Variants in SAXO3 observed in about 807,000 individuals in gnomAD.
The protein encoded by SAXO3 is stabilizer of axonemal microtubules 3, also known as CTB-60B18.10.
At chr19:49,019,835 C>G in the SAXO3 span, 5 of 1,261,614 alleles carry the variant, frequency 4.0e-6, no homozygotes, top group Non-Finnish European at 5.3e-6. Context: ...CAGAGACTCA[C>G]GTGAAGGAGC....
chr19:49,019,773 T>C, the SAXO3 span: 12 of 1,225,148 alleles, frequency 9.8e-6, no homozygotes, highest in Non-Finnish European at 1.3e-5. Context: ...TCTGGTACTT[T>C]GTGGTCAGTG....
At chr19:49,018,396 C>T in the SAXO3 span, 4 of 1,077,796 alleles carry the variant, frequency 3.7e-6, no homozygotes, top group Admixed American at 4.2e-5. Flanking sequence ...GGACGAGTTT[C>T]AGACCTCGGG....
the SAXO3 span, chr19:49,020,031 A>G: frequency 6.8e-7 from 1 of 1,461,872 alleles, no homozygotes; most frequent in Non-Finnish European, 8.9e-7. Context: ...GTTGTCTCCC[A>G]TCTGCTGAGG....
chr19:49,018,052 C>T, the SAXO3 span: 1 of 398,790 alleles, frequency 2.5e-6, no homozygotes, highest in Non-Finnish European at 4.4e-6. Context: ...CCCGCAGGGG[C>T]TTCCAGTGCG....
chr19:49,019,079 A>C, the SAXO3 span: 1 of 1,456,152 alleles, frequency 6.9e-7, no homozygotes, highest in Admixed American at 2.4e-5. Flanking sequence ...CCGAGTTCAG[A>C]ATCCCTCTCC....
chr19:49,019,177 G>A, the SAXO3 span: 1 of 1,410,322 alleles, frequency 7.1e-7, no homozygotes, highest in East Asian at 2.6e-5. Flanking sequence ...GGGAACTTCA[G>A]CTTCCTTTCT....
chr19:49,018,779 G>T, the SAXO3 span: 3 of 1,098,264 alleles, frequency 2.7e-6, no homozygotes, highest in Non-Finnish European at 2.6e-6. Context: ...TGAGACCACC[G>T]GCTCAGGGAA....
the SAXO3 span, chr19:49,018,436 G>C: frequency 1.4e-6 from 1 of 732,620 alleles, no homozygotes; most frequent in African/African-American, 1.8e-5. Flanking sequence ...TCAAACTCCT[G>C]CATTTCCAGG....
At chr19:49,019,841 G>T in the SAXO3 span, 2 of 1,266,820 alleles carry the variant, frequency 1.6e-6, no homozygotes, top group Non-Finnish European at 2.1e-6. Flanking sequence ...CTCACGTGAA[G>T]GAGCAGGGGA....
At chr19:49,018,128 C>A in the SAXO3 span, 1 of 399,844 alleles carries the variant, frequency 2.5e-6, no homozygotes, top group Non-Finnish European at 4.4e-6. Flanking sequence ...CAGCAGGGGG[C>A]TGTAGGACTC....
chr19:49,019,993 G>T, the SAXO3 span: 3 of 1,503,728 alleles, frequency 2.0e-6, no homozygotes, highest in Non-Finnish European at 2.6e-6. Flanking sequence ...GCCCGCCATG[G>T]GTCTTGGGCA....
At chr19:49,019,152 C>G in the SAXO3 span, 32 of 1,412,458 alleles carry the variant, frequency 2.3e-5, no homozygotes, top group Non-Finnish European at 2.9e-5. Flanking sequence ...AGAGCCCTTC[C>G]TGCCACCCAC....
chr19:49,018,322 G>T, the SAXO3 span: 5 of 1,216,282 alleles, frequency 4.1e-6, no homozygotes, highest in Non-Finnish European at 5.1e-6. Context: ...CCTTGCGGGG[G>T]TATCCGGACA....
At chr19:49,019,209 C>G in the SAXO3 span, 1 of 1,394,730 alleles carries the variant, frequency 7.2e-7, no homozygotes, top group Non-Finnish European at 9.3e-7. Flanking sequence ...CCTTCCCAGC[C>G]TCACCTCCCT....
chr19:49,019,296 C>T, the SAXO3 span: 1 of 1,210,772 alleles, frequency 8.3e-7, no homozygotes, highest in Non-Finnish European at 1.0e-6. Flanking sequence ...CCTGGTTCCG[C>T]TCTGTCTTAA....
the SAXO3 span, chr19:49,020,314 T>C: frequency 9.4e-6 from 4 of 423,934 alleles, no homozygotes; most frequent in African/African-American, 8.2e-5. Context: ...ATCCGCTTTA[T>C]TTAGCCCCTA....
At chr19:49,018,082 C>A in the SAXO3 span, 4 of 398,806 alleles carry the variant, frequency 1.0e-5, no homozygotes, top group African/African-American at 8.2e-5. Context: ...AGGGCGCCTC[C>A]AGCGGGCAGA....
chr19:49,019,572 G>A, the SAXO3 span: 5 of 1,215,958 alleles, frequency 4.1e-6, no homozygotes, highest in Admixed American at 3.9e-5. Flanking sequence ...CCCCAAAGCC[G>A]TGATTCCTTC....
the SAXO3 span, chr19:49,019,033 G>A: frequency 5.9e-6 from 9 of 1,516,156 alleles, no homozygotes; most frequent in East Asian, 2.5e-5. Flanking sequence ...GCATACCCAA[G>A]ACATAGATTT....
Sources: gnomAD v4.1 joint callset for allele counts on GRCh38, gnomAD v4.1.1 for gene constraint, MANE v1.5 for transcripts, NCBI Gene and HGNC (gene_info 2026-07-23, HGNC 2026-07-21) for gene names.